DYDC2: variants seen among roughly 807,000 people sequenced by gnomAD.
DYDC2 encodes the protein DPY30 domain containing 2.
A neutral mutation model predicts 18.7 loss-of-function variants in DYDC2; 19 were observed. The ratio of observed to expected loss-of-function variants is 1.02; its 90% CI spans 0.71 to 1.49. The LOEUF (loss-of-function observed/expected upper bound fraction) is 1.49. Among genes scored for constraint, DYDC2 ranks in the 40% most tolerant of loss-of-function variants. The pLI, the probability that DYDC2 is intolerant of heterozygous loss-of-function variation, is 0.00. For synonymous variants in DYDC2, 63 were observed against 67.6 expected (o/e 0.93, Z 0.34); for missense variants, 179 against 205.1 (o/e 0.87, Z 0.78).
upstream of DYDC2, chr10:80,352,349 A>G: frequency 7.4e-7 from 1 of 1,342,480 alleles, no homozygotes; most frequent in Non-Finnish European, 9.7e-7. Context: ...TGTATAATAA[A>G]CATTATTTTT....
Position 80,357,953 on chromosome 10 carries a change from C to A in DYDC2, c.-102C>A, listed in dbSNP as rs1458412671. 3 of 984,856 alleles carry A rather than the reference C, an allele frequency of 3.0e-6. No homozygotes were observed. The African/African-American group carries it at 5.2e-5, about 17-fold the overall frequency. The allele number at this position is 984,856 out of a possible 1,614,324, so 61.0% of individuals were successfully genotyped here. On this transcript the variant is annotated 5_prime_UTR_variant, in exon 2 of 5. Transcript: ENST00000256039. Reference sequence around the variant, plus strand: ...AAACAAAGACAACCCCTATTCTTATCACCTTGCCTACTGAGTGCAAGTCCA... The same window carrying A: ...AAACAAAGACAACCCCTATTCTTATAACCTTGCCTACTGAGTGCAAGTCCA...
chr10:80,362,333 T>G, intron 2 of DYDC2, 102 bp from the exon 3 acceptor site: 1 of 1,457,614 alleles, frequency 6.9e-7, no homozygotes, highest in East Asian at 2.3e-5. Context: ...CAGAAGCATC[T>G]CATATTTATC....
chr10:80,363,269 T>C (rs1231738897), intron 4 of DYDC2, among the ~76,000 whole-genome samples, 196 bp downstream of exon 4: 1 of 151,584 alleles, frequency 6.6e-6, no homozygotes, highest in Admixed American at 6.6e-5. Context: ...AAAAAGGAGA[T>C]GTTAAAAGAC....
chr10:80,352,448 T>G, upstream of DYDC2: 1 of 1,592,170 alleles, frequency 6.3e-7, no homozygotes. Context: ...AGGAGATTCC[T>G]ACTTACCAGT....
rs145674082 is a variant in DYDC2, at chr10:80,349,405, T to C, written c.-310+4590T>C. Among the ~76,000 whole-genome samples the C allele has an allele frequency of 7.3e-3, 1,117 of 152,344 alleles. 3 individuals are homozygous for C. The highest frequency in any genetic ancestry group is 0.01 in the Middle Eastern group (3 of 294). On this transcript the variant is annotated intron_variant, in intron 1 of 4. Coordinates refer to the DYDC2 transcript ENST00000372197. ...CTTGTTATTCCTACATAATATGCCA[T>C]AATGCCTTCATAATATCATCAAATT...
Position 80,360,886 on chromosome 10 carries a change from C to G in DYDC2, c.-9-1549C>G, listed in dbSNP as rs535487946. ...GTGATCCTCCCACCTCAGCCCTGCC[C>G]CCAACCCCTCCAAGTAGCTGGGACT... On this transcript the variant is annotated intron_variant, in intron 2 of 4. Transcript: ENST00000256039. Among the ~76,000 whole-genome samples the G allele has an allele frequency of 2.6e-5, 4 of 151,878 alleles. No individual in the cohort carries two copies. The East Asian group carries it at 7.7e-4, about 29-fold the overall frequency.
chr10:80,361,314 G>T (rs1409506546), intron 2 of DYDC2, among the ~76,000 whole-genome samples: 1 of 152,184 alleles, frequency 6.6e-6, no homozygotes, highest in Non-Finnish European at 1.5e-5. Context: ...CATCACATCA[G>T]GAGGCAGTTG....
At chr10:80,347,571 G>A (rs1328095671) in intron 1 of DYDC2, among the ~76,000 whole-genome samples, 2 of 152,082 alleles carry the variant, frequency 1.3e-5, no homozygotes, top group African/African-American at 4.8e-5. Flanking sequence ...TCTTCCGGGA[G>A]TTTTACAGTT....
At chr10:80,362,317 G>C in intron 2 of DYDC2, 118 bp from the exon 3 acceptor site, 1 of 1,380,410 alleles carries the variant, frequency 7.2e-7, no homozygotes, top group East Asian at 2.4e-5. Flanking sequence ...TGGGAAAGGT[G>C]TGATCCAGAA....
In DYDC2 at chr10:80,366,846, C is replaced by T. The variant is rs759368796; in HGVS notation, c.429C>T (p.Gly143=). The T allele has an allele frequency of 7.4e-6, 12 of 1,614,018 alleles. No individual in the cohort carries two copies. The highest frequency in any genetic ancestry group is 4.0e-5 in the African/African-American group (3 of 74,904). ...PQQVPPSESA[G]QIDQNFKMPQ... ...AGGTTCCTCCTTCAGAGTCTGCTGG[C>T]CAGATTGACCAGAACTTCAAAATGC... is the stretch of plus-strand genomic sequence containing the variant. The change falls in exon 5 of 5, where the codon GGC becomes GGT. Residue 143 remains glycine, a synonymous_variant. Transcript: ENST00000256039.
At chr10:80,353,733 C>T (rs552756345), upstream of DYDC2, among the ~76,000 whole-genome samples, 3 of 151,978 alleles carry the variant, frequency 2.0e-5, no homozygotes, top group East Asian at 5.9e-4. Flanking sequence ...CCTGGGCTTG[C>T]TCATCTTCCC....
intron 4 of DYDC2, among the ~76,000 whole-genome samples, chr10:80,363,408 G>A (rs183407556): frequency 1.5e-4 from 21 of 139,638 alleles, no homozygotes; most frequent in African/African-American, 5.5e-4. Flanking sequence ...ACAGTGGAGC[G>A]ATCTCGTCTC....
At chr10:80,356,980 C>A (rs1013479697) in intron 1 of DYDC2, among the ~76,000 whole-genome samples, 155 bp downstream of exon 1, 3 of 122,122 alleles carry the variant, frequency 2.5e-5, no homozygotes, top group African/African-American at 9.4e-5. Flanking sequence ...AGGAGCCCGC[C>A]GCAGAGTAGA....
intron 2 of DYDC2, among the ~76,000 whole-genome samples, chr10:80,358,768 T>G (rs1338954807): frequency 6.6e-6 from 1 of 152,142 alleles, no homozygotes; most frequent in South Asian, 2.1e-4. Context: ...CCAGAATTGG[T>G]GGGTTCTTGG....
Position 80,345,696 on chromosome 10 carries a change from A to G in DYDC2, c.-310+881A>G, listed in dbSNP as rs532260882. Among the ~76,000 whole-genome samples, 4 of 151,280 alleles carry G rather than the reference A, an allele frequency of 2.6e-5. No homozygotes were observed. In the East Asian group the frequency reaches 7.8e-4, roughly 29 times the overall value. ...GACAGCATGTGGTATTTTTCTTTTG[A>G]TGTCTGGTTTATTTCACTTAACATC... On this transcript the variant is annotated intron_variant, in intron 1 of 4. Transcript: ENST00000372197.
At chr10:80,352,413 GT>G (rs768557501), upstream of DYDC2, 65 of 1,514,768 alleles carry the variant, frequency 4.3e-5, no homozygotes, top group Middle Eastern at 1.1e-3. Context: ...AGTTGGACCA[GT>G]TTTTTTTCTT....
At chr10:80,362,290 G>T in intron 2 of DYDC2, 145 bp from the exon 3 acceptor site, 3 of 1,167,292 alleles carry the variant, frequency 2.6e-6, no homozygotes, top group Non-Finnish European at 3.6e-6. Context: ...CAGCAAGTAA[G>T]TGTTTGTTGG....
upstream of DYDC2, among the ~76,000 whole-genome samples, chr10:80,354,210 G>C (rs990447055): frequency 3.3e-5 from 5 of 151,386 alleles, no homozygotes; most frequent in South Asian, 2.1e-4. Context: ...ATATTTGCCG[G>C]GCACAGTGGC....
chr10:80,346,822 C>T (rs749629112), intron 1 of DYDC2, among the ~76,000 whole-genome samples: 3 of 151,760 alleles, frequency 2.0e-5, no homozygotes, highest in Non-Finnish European at 1.5e-5. Context: ...TGCCTGTAAT[C>T]CTAACACTTT....
Sources: allele counts gnomAD v4.1 joint callset (sites outside exome capture counted in the v4.1 genomes callset), GRCh38; gene constraint gnomAD v4.1.1; transcripts MANE v1.5; gene names NCBI Gene and HGNC (gene_info 2026-07-23, HGNC 2026-07-21).